WDR59: variants seen among roughly 807,000 people sequenced by gnomAD.
WDR59 encodes the protein WD repeat domain 59.
In WDR59, 100 loss-of-function variants were observed where a neutral mutation model predicts 131.2. The observed-to-expected ratio is 0.76, with a 90% CI of 0.65 to 0.90. The LOEUF (loss-of-function observed/expected upper bound fraction) is 0.90. Among genes scored for constraint, WDR59 ranks in the 40% least tolerant of loss-of-function variants. The pLI, the probability that WDR59 is intolerant of heterozygous loss-of-function variation, is 0.00. For missense variants in WDR59, 1,203 were observed against 1,262.2 expected (o/e 0.95, Z 0.71); for synonymous variants, 601 against 466.2 (o/e 1.29, Z -3.72).
intron 8 of WDR59, among the ~76,000 whole-genome samples, chr16:74,927,667 T>A (rs2030962748): frequency 7.7e-6 from 1 of 130,380 alleles, no homozygotes; most frequent in African/African-American, 2.8e-5. Flanking sequence ...TGTTTTAGAT[T>A]TGCTGCTCTT....
chr16:74,888,366 G>C, intron 21 of WDR59, 47 bp from the exon 22 acceptor site: 1 of 1,576,730 alleles, frequency 6.3e-7, no homozygotes, highest in Non-Finnish European at 8.6e-7. Context: ...AGGAGGGATT[G>C]AGGAGGAAAG....
Position 74,871,471 on chromosome 16 carries a change from G to A in WDR59, c.*2738C>T, listed in dbSNP as rs1000320647. On this transcript the variant is annotated 3_prime_UTR_variant, in exon 26 of 26. Transcript: ENST00000262144. ...GAATATTTTAAAATATTAGACTTTT[G>A]TTCTGGTAACTTGGAAATTCAAAAG... is the stretch of plus-strand genomic sequence containing the variant. 1.3e-5 allele frequency: 2 copies of A among 152,182 alleles called. No homozygotes were observed. Among genetic ancestry groups the A allele is most frequent in the South Asian group, 2.1e-4 (1 of 4,836 alleles). The allele number at this position is 152,182 out of a possible 1,614,324, so 9.4% of individuals were successfully genotyped here. A position where few individuals can be genotyped will look rare whatever the true frequency, so the allele number is the denominator to read the frequency against.
At chr16:74,943,471 A>G (rs530746539) in intron 6 of WDR59, among the ~76,000 whole-genome samples, 1 of 152,292 alleles carries the variant, frequency 6.6e-6, no homozygotes, top group South Asian at 2.1e-4. Context: ...CTCTGCCAAT[A>G]CAGAGTGTCA....
rs184542037 is a variant in WDR59, at chr16:74,980,951, C to A, written c.54+4013G>T. 1.6e-3 allele frequency among the ~76,000 whole-genome samples: 227 copies of A among 146,418 alleles called. 1 individual carries two copies. Among genetic ancestry groups the A allele is most frequent in the Non-Finnish European group, 2.4e-3 (158 of 66,258 alleles). ...CTGCACTCCAGCCTGGGCAACAGAG[C>A]GAGACTCCATCTCAAAAATAAAAAA... On this transcript the variant is annotated intron_variant, in intron 1 of 25. Coordinates refer to ENST00000262144, the MANE Select transcript of WDR59 (RefSeq NM_030581.4).
chr16:74,887,662 C>G, intron 23 of WDR59, 21 bp downstream of exon 23: 1 of 1,613,330 alleles, frequency 6.2e-7, no homozygotes, highest in Non-Finnish European at 8.5e-7. Flanking sequence ...CCAGCGTGGG[C>G]TAAGTCATTT....
intron 7 of WDR59, among the ~76,000 whole-genome samples, chr16:74,938,489 C>T (rs1292512242): frequency 6.6e-6 from 1 of 152,148 alleles, no homozygotes; most frequent in East Asian, 1.9e-4. Flanking sequence ...CTGTGAGCCT[C>T]GTTTCTTCCC....
intron 25 of WDR59, among the ~76,000 whole-genome samples, chr16:74,881,873 AAAAAAAAAAAAAAAG>A (rs2144771890): frequency 7.2e-6 from 1 of 138,854 alleles, no homozygotes; most frequent in Admixed American, 7.1e-5. Flanking sequence ...ACTCCGTCTC[AAAAAAAAAAAAAAAG>A]AAAAAAAAGA....
At chr16:74,961,123 C>A (rs2080805433) in intron 2 of WDR59, among the ~76,000 whole-genome samples, 1 of 148,700 alleles carries the variant, frequency 6.7e-6, no homozygotes, top group African/African-American at 2.5e-5. Flanking sequence ...CTAGGCAACA[C>A]AGGGAGACCC....
intron 10 of WDR59, among the ~76,000 whole-genome samples, chr16:74,919,105 C>T (rs1444773110): frequency 6.6e-6 from 1 of 152,124 alleles, no homozygotes; most frequent in East Asian, 1.9e-4. Flanking sequence ...AACCCCTCGA[C>T]CTGTGCCTCC....
At position 74,923,983 on chromosome 16, in the gene WDR59, A is replaced by G. The variant is rs370815858; in HGVS notation, c.672T>C (p.Pro224=). The change falls in exon 9 of 26, where the codon CCT becomes CCC. Residue 224 remains proline, a synonymous_variant. Transcript: ENST00000262144. ...AAGGAAGAATATTGAGGTATTTCCG[A>G]GGCTGGCGGTAATCCCAGAACTAGA... ...NSVKFWDYRQ[P]RKYLNILPCQ... 1 of 1,613,680 alleles carries G rather than the reference A, an allele frequency of 6.2e-7. No homozygotes were observed. Among genetic ancestry groups the G allele is most frequent in the Non-Finnish European group, 8.5e-7 (1 of 1,179,970 alleles).
At chr16:74,927,102 C>T (rs976530935) in intron 8 of WDR59, among the ~76,000 whole-genome samples, 9 of 152,016 alleles carry the variant, frequency 5.9e-5, no homozygotes, top group South Asian at 2.1e-4. Flanking sequence ...CCATTGAGTA[C>T]GTGGGAAGAG....
intron 18 of WDR59, among the ~76,000 whole-genome samples, chr16:74,899,108 G>C (rs1267295507): frequency 6.6e-6 from 1 of 152,152 alleles, no homozygotes; most frequent in African/African-American, 2.4e-5. Flanking sequence ...TGGCCAATAG[G>C]AGTAAGAAAG....
intron 6 of WDR59, among the ~76,000 whole-genome samples, chr16:74,943,339 C>G (rs1171941537): frequency 2.0e-5 from 3 of 151,790 alleles, no homozygotes; most frequent in African/African-American, 7.3e-5. Context: ...CAATTCTGTC[C>G]TAAGGGTTAC....
intron 11 of WDR59, among the ~76,000 whole-genome samples, chr16:74,917,348 C>T (rs754752454): frequency 2.0e-5 from 3 of 152,174 alleles, no homozygotes; most frequent in Admixed American, 6.5e-5. Context: ...ACCCACAGGG[C>T]ACATACTCAG....
rs199926380 is a variant in WDR59 at position 74,883,418 on chromosome 16, AG to A, written c.2689+2234del. 6.0e-4 allele frequency among the ~76,000 whole-genome samples: 91 copies of A among 152,284 alleles called. 1 individual carries two copies. The East Asian group carries it at 0.017, about 28-fold the overall frequency. On this transcript the variant is annotated intron_variant, in intron 25 of 25. Transcript: ENST00000262144. Reference sequence around the variant, plus strand: ...TGTTTTGTACTTCCGACAACAGTTCAGGGTTCAGCTTTATCATGCCCTGCAA... The same window carrying A: ...TGTTTTGTACTTCCGACAACAGTTCAGGTTCAGCTTTATCATGCCCTGCAA...
At chr16:74,894,996 T>C (rs553244110) in intron 18 of WDR59, among the ~76,000 whole-genome samples, 30 of 152,352 alleles carry the variant, frequency 2.0e-4, no homozygotes, top group Non-Finnish European at 4.1e-4. Flanking sequence ...CACAAATAAA[T>C]TCATTTTCTG....
At chr16:74,931,930 T>C (rs1397639337) in intron 8 of WDR59, among the ~76,000 whole-genome samples, 1 of 152,020 alleles carries the variant, frequency 6.6e-6, no homozygotes, top group Non-Finnish European at 1.5e-5. Flanking sequence ...ATATGTTTAA[T>C]ATTTCTTTAA....
At chr16:74,948,674 G>C in intron 5 of WDR59, 118 bp from the exon 6 acceptor site, 3 of 837,816 alleles carry the variant, frequency 3.6e-6, no homozygotes, top group South Asian at 2.9e-5. Flanking sequence ...GGAGTAGGTA[G>C]ATCCGCTGTG....
At position 74,889,694 on chromosome 16, in the gene WDR59, A is replaced by G; in HGVS notation, c.2195+9T>C. 4 of 1,608,510 alleles carry G rather than the reference A, an allele frequency of 2.5e-6. No homozygotes were observed. The highest frequency in any genetic ancestry group is 3.4e-6 in the Non-Finnish European group (4 of 1,178,078). On this transcript the variant is annotated intron_variant, in intron 21 of 25. Transcript: ENST00000262144. ...CTCATTTTTCTCATTTTTAGCTCTC[A>G]AAACCTACAGGGACTCCAGCAGCTG...
Sources: allele counts gnomAD v4.1 joint callset (sites outside exome capture counted in the v4.1 genomes callset), GRCh38; gene constraint gnomAD v4.1.1; transcripts MANE v1.5; gene names NCBI Gene and HGNC (gene_info 2026-07-23, HGNC 2026-07-21).